The following CDC73 variants were observed in gnomAD, a reference collection of about 807,000 sequenced individuals.
CDC73 encodes cell division cycle 73, also known as parafibromin.
In CDC73, 21 loss-of-function variants were observed where a neutral mutation model predicts 83.7. The observed-to-expected ratio is 0.25, with a 90% CI of 0.18 to 0.36. The LOEUF (loss-of-function observed/expected upper bound fraction) is 0.36. CDC73 is among the 10% of genes least tolerant of loss of function. The pLI is 1.00. For synonymous variants in CDC73, 224 were observed against 212.9 expected (o/e 1.05, Z -0.45); for missense variants, 342 against 653.3 (o/e 0.52, Z 5.19).
chr1:193,220,541 T>G (rs1056202886), intron 13 of CDC73, among the ~76,000 whole-genome samples: 2 of 152,220 alleles, frequency 1.3e-5, no homozygotes, highest in Admixed American at 6.5e-5. Context: ...GCAATATATG[T>G]GGATTTCAGG....
At chr1:193,204,194 C>CATATATATGTATATATACAT in intron 11 of CDC73, among the ~76,000 whole-genome samples, 1 of 98,166 alleles carries the variant, frequency 1.0e-5, no homozygotes, top group East Asian at 2.3e-4. Flanking sequence ...CACACACACA[C>CATATATATGTATATATACAT]ATATATATAC....
chr1:193,223,984 ATTTATC>A (rs1281151779), intron 13 of CDC73, among the ~76,000 whole-genome samples: 2 of 151,592 alleles, frequency 1.3e-5, no homozygotes, highest in Non-Finnish European at 2.9e-5. Context: ...TACCTTAAAC[ATTTATC>A]TTTATGTTGG....
chr1:193,225,202 A>G (rs1677545396), intron 13 of CDC73, among the ~76,000 whole-genome samples: 1 of 151,350 alleles, frequency 6.6e-6, no homozygotes, highest in Admixed American at 6.6e-5. Context: ...ATTGCAGCAA[A>G]TGGCATTAAT....
chr1:193,250,437 T>A (rs1678026625), intron 16 of CDC73, among the ~76,000 whole-genome samples: 1 of 151,848 alleles, frequency 6.6e-6, no homozygotes, highest in African/African-American at 2.4e-5. Flanking sequence ...TTGGTGCAAG[T>A]CTCTCATATC....
intron 13 of CDC73, among the ~76,000 whole-genome samples, chr1:193,232,290 C>G (rs1255950008): frequency 6.6e-6 from 1 of 151,916 alleles, no homozygotes; most frequent in African/African-American, 2.4e-5. Context: ...CGTAAAGAAG[C>G]CTACTAGCCA....
chr1:193,174,086 C>G (rs911369431), intron 10 of CDC73, among the ~76,000 whole-genome samples: 1 of 151,156 alleles, frequency 6.6e-6, no homozygotes, highest in African/African-American at 2.4e-5. Context: ...CTTCTGAATT[C>G]TATCCACAAT....
At chr1:193,243,159 C>T (rs1189394086) in intron 15 of CDC73, among the ~76,000 whole-genome samples, 1 of 152,056 alleles carries the variant, frequency 6.6e-6, no homozygotes, top group Non-Finnish European at 1.5e-5. Context: ...TTGGTCTGGT[C>T]TCAAACTCCT....
chr1:193,175,554 CA>C (rs910299140), intron 10 of CDC73, among the ~76,000 whole-genome samples: 2 of 152,012 alleles, frequency 1.3e-5, no homozygotes, highest in African/African-American at 4.8e-5. Flanking sequence ...AAACAAAAAA[CA>C]AAAAAACCAA....
intron 10 of CDC73, among the ~76,000 whole-genome samples, chr1:193,175,606 G>A (rs1160447331): frequency 2.0e-5 from 3 of 152,164 alleles, no homozygotes; most frequent in African/African-American, 7.2e-5. Flanking sequence ...ACTTTTGTGT[G>A]AGTTATTTTT....
At position 193,150,317 on chromosome 1, in the gene CDC73, G is replaced by A. The variant is rs762716583; in HGVS notation, c.842G>A (p.Arg281His). Residue 281 changes from arginine (R) to histidine (H), a missense_variant, in exon 9 of 17, where the codon CGC becomes CAC. Arg to His is a conservative substitution (Grantham distance 29, BLOSUM62 0). This residue lies in a region of CDC73 where 239 missense variants were observed against 420.6 expected (regional missense o/e 0.57). Coordinates refer to ENST00000367435, the MANE Select transcript of CDC73 (RefSeq NM_024529.5). ...ATTTTTTTACAGGATCCCACTTTGC[G>A]CACCAAACAGCCTATCCCAGCTGCC... ...PNAAPVDPTLRTKQPIPAAYN... is the reference protein window; with the variant it reads ...PNAAPVDPTLHTKQPIPAAYN... The A allele has an allele frequency of 1.1e-5, 17 of 1,609,942 alleles. No homozygotes were observed. Among genetic ancestry groups the A allele is most frequent in the Admixed American group, 5.0e-5 (3 of 59,978 alleles).
intron 10 of CDC73, chr1:193,181,275 T>C: frequency 6.2e-7 from 1 of 1,614,124 alleles, no homozygotes. Context: ...TAGAGTTAGT[T>C]GCTGTTTGAG....
chr1:193,204,253 A>ATG (rs370382322), intron 11 of CDC73, among the ~76,000 whole-genome samples: 80,127 of 123,332 alleles, frequency 0.65, 26,258 homozygotes, highest in South Asian at 0.75. Context: ...ATATATGTGT[A>ATG]TGTGTGTGTG....
intron 5 of CDC73, among the ~76,000 whole-genome samples, chr1:193,136,266 G>A (rs1487997234): frequency 6.6e-6 from 1 of 152,168 alleles, no homozygotes; most frequent in Non-Finnish European, 1.5e-5. Flanking sequence ...TGGCGGGCCA[G>A]AATTGGTCTT....
intron 15 of CDC73, among the ~76,000 whole-genome samples, chr1:193,239,489 T>C (rs962392986): frequency 6.6e-6 from 1 of 152,178 alleles, no homozygotes; most frequent in Admixed American, 6.5e-5. Flanking sequence ...CTGATTTGCA[T>C]AAAATTGCCA....
At chr1:193,193,759 C>T (rs960304803) in intron 10 of CDC73, among the ~76,000 whole-genome samples, 1 of 77,900 alleles carries the variant, frequency 1.3e-5, no homozygotes, top group Non-Finnish European at 2.7e-5. Context: ...CGTTCCAGAA[C>T]ATTTCAGCTG....
intron 11 of CDC73, among the ~76,000 whole-genome samples, chr1:193,207,646 T>G (rs562127243): frequency 1.3e-5 from 2 of 152,320 alleles, no homozygotes; most frequent in South Asian, 4.1e-4. Flanking sequence ...GGCTGTATTC[T>G]GCCTGACCCC....
rs1167377567 is a variant in CDC73 at position 193,208,858 on chromosome 1, T to C, written c.1031-3207T>C. Among the ~76,000 whole-genome samples, 3 of 152,238 alleles carry C rather than the reference T, an allele frequency of 2.0e-5. No individual in the cohort carries two copies. The East Asian group carries it at 5.8e-4, about 29-fold the overall frequency. ...TATTTGCCCGTATTCCTACCTCTTA[T>C]CTGAACTGTTCGCCTACTTGTTCTT... is the stretch of plus-strand genomic sequence containing the variant. On this transcript the variant is annotated intron_variant, in intron 11 of 16. Coordinates refer to ENST00000367435, the MANE Select transcript of CDC73 (RefSeq NM_024529.5).
At chr1:193,200,607 TAGC>T (rs1677076192) in intron 10 of CDC73, among the ~76,000 whole-genome samples, 1 of 152,246 alleles carries the variant, frequency 6.6e-6, no homozygotes, top group African/African-American at 2.4e-5. Context: ...CCTCTCCACT[TAGC>T]ACAACTTGTC....
intron 10 of CDC73, among the ~76,000 whole-genome samples, chr1:193,197,645 G>A (rs1677023463): frequency 6.6e-6 from 1 of 152,114 alleles, no homozygotes; most frequent in Admixed American, 6.5e-5. Flanking sequence ...GTATGTAGAG[G>A]CCAGGTGCGG....
Sources: allele counts gnomAD v4.1 joint callset (sites outside exome capture counted in the v4.1 genomes callset), GRCh38; gene constraint gnomAD v4.1.1; regional missense constraint gnomAD v4.1.1; transcripts MANE v1.5; gene names NCBI Gene and HGNC (gene_info 2026-07-23, HGNC 2026-07-21).